Variants in DCAF8L2 observed in about 807,000 individuals in gnomAD.
DCAF8L2 encodes DDB1 and CUL4 associated factor 8 like 2.
For synonymous variants in DCAF8L2, 200 were observed against 190.9 expected, an observed-to-expected ratio of 1.05 and a Z score of -0.39; for missense variants, 430 against 490.7, an observed-to-expected ratio of 0.88 and a Z score of 1.17.
At chrX:27,533,780 C>T in the DCAF8L2 span, among the ~76,000 whole-genome samples, 2 of 112,337 alleles carry the variant, frequency 1.8e-5, no homozygotes, top group Admixed American at 9.4e-5. Flanking sequence ...AAAGGAAATG[C>T]GTGAGACAGA....
At chrX:27,552,578 G>T in the DCAF8L2 span, among the ~76,000 whole-genome samples, 111 of 111,555 alleles carry the variant, frequency 1.0e-3, 1 homozygote, top group Admixed American at 0.011. Context: ...TGTTCTCTTG[G>T]TGCCTTTGTC....
At chrX:27,643,927 A>G (rs1452076071) in intron 2 of DCAF8L2, among the ~76,000 whole-genome samples, 1 of 111,785 alleles carries the variant, frequency 8.9e-6, no homozygotes, top group Non-Finnish European at 1.9e-5. Context: ...AAAAGGATCT[A>G]TATTCTCCAG....
chrX:27,528,095 AT>A, the DCAF8L2 span, among the ~76,000 whole-genome samples: 2 of 89,372 alleles, frequency 2.2e-5, no homozygotes, highest in Non-Finnish European at 4.5e-5. Context: ...TATTAGACTA[AT>A]TTTTAATTTA....
intron 2 of DCAF8L2, among the ~76,000 whole-genome samples, chrX:27,645,667 C>T (rs1229958108): frequency 9.0e-6 from 1 of 111,661 alleles, no homozygotes; most frequent in East Asian, 2.8e-4. Flanking sequence ...ATCTACAAAA[C>T]CCCTGATTCA....
the DCAF8L2 span, among the ~76,000 whole-genome samples, chrX:27,503,740 A>G: frequency 9.0e-6 from 1 of 111,027 alleles, no homozygotes; most frequent in African/African-American, 3.3e-5. Flanking sequence ...CTTTTCTCAG[A>G]CTTGTTTTAG....
At chrX:27,543,420 G>T in the DCAF8L2 span, among the ~76,000 whole-genome samples, 1 of 111,623 alleles carries the variant, frequency 9.0e-6, no homozygotes, top group African/African-American at 3.3e-5. Flanking sequence ...GTAGCATGAG[G>T]CTTTGTTTTC....
At chrX:27,683,405 C>T (rs1399798457) in intron 3 of DCAF8L2, among the ~76,000 whole-genome samples, 2 of 112,052 alleles carry the variant, frequency 1.8e-5, no homozygotes, top group East Asian at 2.8e-4. Context: ...GTTTTAGTTT[C>T]GCCTTCCAAA....
chrX:27,664,206 T>C (rs1011113331), intron 2 of DCAF8L2, among the ~76,000 whole-genome samples: 2 of 110,931 alleles, frequency 1.8e-5, no homozygotes, highest in African/African-American at 6.6e-5. Context: ...AGGGAACAGG[T>C]ATTGAAGGAA....
the DCAF8L2 span, among the ~76,000 whole-genome samples, chrX:27,569,305 G>A: frequency 9.0e-6 from 1 of 111,284 alleles, no homozygotes; most frequent in African/African-American, 3.3e-5. Context: ...CTGTACCTTG[G>A]ATCTCTCTGG....
At chrX:27,496,310 G>A in the DCAF8L2 span, among the ~76,000 whole-genome samples, 2 of 111,321 alleles carry the variant, frequency 1.8e-5, no homozygotes, top group African/African-American at 6.5e-5. Context: ...TGATTTTTTG[G>A]TAAATACACC....
chrX:27,705,706 GT>G (rs1221098139), intron 3 of DCAF8L2, among the ~76,000 whole-genome samples: 1 of 111,820 alleles, frequency 8.9e-6, no homozygotes, highest in Non-Finnish European at 1.9e-5. Context: ...CAAATGCATA[GT>G]TTGCAAATAT....
At chrX:27,656,516 TA>T (rs947820710) in intron 2 of DCAF8L2, among the ~76,000 whole-genome samples, 1 of 111,607 alleles carries the variant, frequency 9.0e-6, no homozygotes, top group African/African-American at 3.3e-5. Context: ...CCATGTGGCT[TA>T]AAACAATAAA....
the DCAF8L2 span, among the ~76,000 whole-genome samples, chrX:27,581,767 A>G: frequency 9.0e-6 from 1 of 111,025 alleles, no homozygotes; most frequent in Non-Finnish European, 1.9e-5. Flanking sequence ...ATTTTTTGGT[A>G]GAGATGGGGT....
At chrX:27,500,056 G>T in the DCAF8L2 span, among the ~76,000 whole-genome samples, 1 of 111,471 alleles carries the variant, frequency 9.0e-6, no homozygotes, top group Non-Finnish European at 1.9e-5. Flanking sequence ...AATTTCATGG[G>T]CTTTTTCCTC....
intron 4 of DCAF8L2, among the ~76,000 whole-genome samples, chrX:27,720,752 GAGA>G (rs1198839428): frequency 9.0e-6 from 1 of 111,576 alleles, no homozygotes; most frequent in Non-Finnish European, 1.9e-5. Flanking sequence ...AGATCAATTT[GAGA>G]AGAACTGACA....
chrX:27,527,703 G>A, the DCAF8L2 span, among the ~76,000 whole-genome samples: 3 of 109,474 alleles, frequency 2.7e-5, no homozygotes, highest in African/African-American at 1.0e-4. Flanking sequence ...CCAGGCTTGA[G>A]TGCAGTGGCA....
chrX:27,683,158 A>G (rs1020590558), intron 3 of DCAF8L2, among the ~76,000 whole-genome samples: 6 of 111,892 alleles, frequency 5.4e-5, no homozygotes, highest in African/African-American at 1.9e-4. Flanking sequence ...ATACTGGCAA[A>G]TCTTTCTTTT....
chrX:27,482,296 A>G, the DCAF8L2 span, among the ~76,000 whole-genome samples: 17 of 111,636 alleles, frequency 1.5e-4, no homozygotes, highest in South Asian at 7.5e-4. Flanking sequence ...CAGAGAAGAG[A>G]ACATCAAATT....
the DCAF8L2 span, among the ~76,000 whole-genome samples, chrX:27,493,063 C>T: frequency 9.1e-6 from 1 of 110,058 alleles, no homozygotes. Flanking sequence ...GAAACCCTGT[C>T]TGCACAAAAA....
Sources: gnomAD v4.1 joint callset for allele counts (sites outside exome capture counted in the v4.1 genomes callset) on GRCh38, gnomAD v4.1.1 for gene constraint, MANE v1.5 for transcripts, NCBI Gene and HGNC (gene_info 2026-07-23, HGNC 2026-07-21) for gene names.